Variants in NCOA2 observed in about 807,000 individuals in gnomAD.
NCOA2 encodes the protein nuclear receptor coactivator 2.
In NCOA2, 21 loss-of-function variants were observed where a neutral mutation model predicts 145.1. That is an observed-to-expected ratio of 0.14 (90% CI 0.10 to 0.21). NCOA2 has a LOEUF of 0.21. Among genes scored for constraint, NCOA2 ranks in the 10% least tolerant of loss-of-function variants. The pLI is 1.00. For missense variants in NCOA2, 1,472 were observed against 1,837.6 expected (o/e 0.80, Z 3.64); for synonymous variants, 619 against 637.5 (o/e 0.97, Z 0.44).
chr8:70,348,116 A>G (rs1808847382), intron 1 of NCOA2, among the ~76,000 whole-genome samples: 1 of 152,242 alleles, frequency 6.6e-6, no homozygotes, highest in Non-Finnish European at 1.5e-5. Flanking sequence ...CTACAATACA[A>G]AGTGAGGTAG....
At chr8:70,273,932 G>T in intron 2 of NCOA2, 1 of 398,282 alleles carries the variant, frequency 2.5e-6, no homozygotes, top group Non-Finnish European at 4.8e-6. Context: ...TGCTTTTTAA[G>T]AAATTTTTGT....
chr8:70,166,512 T>C, intron 7 of NCOA2, 54 bp downstream of exon 7: 1 of 1,575,566 alleles, frequency 6.3e-7, no homozygotes. Context: ...GTGAAGGAAG[T>C]AGCACAGGAA....
At chr8:70,219,046 T>C (rs1819906702) in intron 2 of NCOA2, among the ~76,000 whole-genome samples, 2 of 152,180 alleles carry the variant, frequency 1.3e-5, no homozygotes, top group Admixed American at 1.3e-4. Flanking sequence ...TATATATATA[T>C]TATTTGCATC....
At chr8:70,141,749 A>G (rs1810459839) in intron 13 of NCOA2, among the ~76,000 whole-genome samples, 1 of 152,168 alleles carries the variant, frequency 6.6e-6, no homozygotes. Flanking sequence ...TTACTTTCCA[A>G]AAGGGAGGTA....
chr8:70,218,675 C>T (rs539032386), intron 2 of NCOA2, among the ~76,000 whole-genome samples: 8 of 152,228 alleles, frequency 5.3e-5, no homozygotes, highest in African/African-American at 1.9e-4. Flanking sequence ...AATCACAATT[C>T]CCATGGTTTC....
chr8:70,283,593 A>G (rs1473155721), intron 2 of NCOA2, among the ~76,000 whole-genome samples: 1 of 152,236 alleles, frequency 6.6e-6, no homozygotes, highest in African/African-American at 2.4e-5. Flanking sequence ...TTTATTTGCT[A>G]TAGTAATTGG....
In NCOA2 at chr8:70,270,114, C is replaced by T. The variant is rs1165424304; in HGVS notation, c.-20+26630G>A. 4.6e-5 allele frequency among the ~76,000 whole-genome samples: 7 copies of T among 151,190 alleles called. No individual in the cohort carries two copies. The South Asian group carries it at 8.3e-4, about 18-fold the overall frequency. On this transcript the variant is annotated intron_variant, in intron 2 of 22. Transcript: ENST00000452400. ...GGAGAATCACTTGAGCCAGGGAGGT[C>T]GAGGCTGCAGTGAGCAGTGATCTCA...
At chr8:70,132,763 G>A (rs537810537) in intron 15 of NCOA2, among the ~76,000 whole-genome samples, 6 of 152,170 alleles carry the variant, frequency 3.9e-5, no homozygotes, top group African/African-American at 7.2e-5. Context: ...ATGGCGTTTC[G>A]CCATGTTACC....
chr8:70,273,567 T>TG lies in NCOA2; in HGVS notation c.-20+23176dup, dbSNP rs550374756. 1,808 of 755,452 alleles carry TG rather than the reference T, an allele frequency of 2.4e-3. 6 individuals carry two copies. The highest frequency in any genetic ancestry group is 3.9e-3 in the Admixed American group (216 of 55,794). The allele number at this position is 755,452 out of a possible 1,614,324, so 46.8% of individuals were successfully genotyped here. On this transcript the variant is annotated intron_variant, in intron 2 of 22. Coordinates refer to ENST00000452400, the MANE Select transcript of NCOA2 (RefSeq NM_006540.4). ...AATATGTTTACAAACCAAGCAACAGTGATCCACTTTAACAACCCTAAAGCC... is the reference window on the plus strand; with the variant it reads ...AATATGTTTACAAACCAAGCAACAGTGGATCCACTTTAACAACCCTAAAGCC...
chr8:70,249,962 C>CTAAAA (rs1822981228), intron 2 of NCOA2, among the ~76,000 whole-genome samples: 33 of 11,120 alleles, frequency 3.0e-3, no homozygotes, highest in African/African-American at 8.0e-3. Flanking sequence ...GAATCTGCCT[C>CTAAAA]CAAAAAAAAA....
chr8:70,293,019 A>C (rs1270813680), intron 2 of NCOA2, among the ~76,000 whole-genome samples: 1 of 152,190 alleles, frequency 6.6e-6, no homozygotes, highest in Non-Finnish European at 1.5e-5. Context: ...GAACAGTTAA[A>C]TGACTGAGGG....
chr8:70,189,832 T>C (rs1157190768), intron 4 of NCOA2, among the ~76,000 whole-genome samples: 1 of 152,212 alleles, frequency 6.6e-6, no homozygotes, highest in Non-Finnish European at 1.5e-5. Flanking sequence ...AATTTGAAAT[T>C]TGTGAATTCA....
At chr8:70,282,986 T>G (rs1176327184) in intron 2 of NCOA2, among the ~76,000 whole-genome samples, 1 of 152,170 alleles carries the variant, frequency 6.6e-6, no homozygotes, top group Non-Finnish European at 1.5e-5. Flanking sequence ...TTCATTTTAG[T>G]AAACATCCAG....
At chr8:70,304,894 T>TAA (rs1827772528) in intron 1 of NCOA2, among the ~76,000 whole-genome samples, 1 of 150,716 alleles carries the variant, frequency 6.6e-6, no homozygotes. Flanking sequence ...TCTTGCTCTA[T>TAA]TGCTCAGGCT....
At chr8:70,329,375 T>C (rs958570828) in intron 1 of NCOA2, among the ~76,000 whole-genome samples, 1 of 152,144 alleles carries the variant, frequency 6.6e-6, no homozygotes, top group African/African-American at 2.4e-5. Flanking sequence ...CCTCCCCAAG[T>C]GCTGGAATTA....
At chr8:70,197,053 A>G (rs1339849807) in intron 4 of NCOA2, among the ~76,000 whole-genome samples, 4 of 152,232 alleles carry the variant, frequency 2.6e-5, no homozygotes, top group Non-Finnish European at 5.9e-5. Flanking sequence ...GAGGTAGCTG[A>G]AAACAGTATG....
chr8:70,439,802 C>G, the NCOA2 span, among the ~76,000 whole-genome samples: 1 of 152,184 alleles, frequency 6.6e-6, no homozygotes, highest in African/African-American at 2.4e-5. Context: ...TGCATGGACT[C>G]TATTCATCCC....
intron 1 of NCOA2, among the ~76,000 whole-genome samples, chr8:70,393,572 G>A (rs1813396078): frequency 6.6e-6 from 1 of 151,838 alleles, no homozygotes; most frequent in Admixed American, 6.6e-5. Context: ...GCAGGGAACA[G>A]CTGAGGCCTC....
At chr8:70,155,638 C>T (rs1812193735) in intron 11 of NCOA2, among the ~76,000 whole-genome samples, 1 of 152,174 alleles carries the variant, frequency 6.6e-6, no homozygotes, top group African/African-American at 2.4e-5. Context: ...GGAGCAAAGT[C>T]ATATTCAAGT....
Sources: allele counts gnomAD v4.1 joint callset (sites outside exome capture counted in the v4.1 genomes callset), GRCh38; gene constraint gnomAD v4.1.1; transcripts MANE v1.5; gene names NCBI Gene and HGNC (gene_info 2026-07-23, HGNC 2026-07-21).